RFX6: variants seen among roughly 807,000 people sequenced by gnomAD.
The protein encoded by RFX6 is DNA-binding protein RFX6.
RFX6 carries 50 observed loss-of-function variants against 110.8 expected under a neutral mutation model. That is an observed-to-expected ratio of 0.45 (90% CI 0.36 to 0.57). The LOEUF is 0.57. Among genes scored for constraint, RFX6 ranks in the 20% least tolerant of loss-of-function variants. The pLI is 0.00. For missense variants in RFX6, 990 were observed against 1,127.0 expected, an observed-to-expected ratio of 0.88 and a Z score of 1.74; for synonymous variants, 383 against 411.2, an observed-to-expected ratio of 0.93 and a Z score of 0.83.
chr6:116,930,050 T>G (rs1582541376), intron 18 of RFX6, among the ~76,000 whole-genome samples: 1 of 152,186 alleles, frequency 6.6e-6, no homozygotes, highest in African/African-American at 2.4e-5. Context: ...GAGACTAAAA[T>G]GTACTGTGTT....
Position 116,928,967 on chromosome 6 carries a change from C to T in RFX6, c.2607C>T (p.Val869=), listed in dbSNP as rs760218020. 6.3e-7 allele frequency: 1 copy of T among 1,594,968 alleles called. No homozygotes were observed. The highest frequency in any genetic ancestry group is 8.6e-7 in the Non-Finnish European group (1 of 1,162,520). The part of the protein sequence containing the change: ...TSSPVACRTP[V]LASSLQTPIP... ...CTCCAGTTGCATGTCGAACTCCAGT[C>T]CTAGGTAAATTATTTTAGCAGTTCT... The change falls in exon 18 of 19, where the codon GTC becomes GTT. Residue 869 remains valine, a synonymous_variant. Transcript: ENST00000332958.
intron 3 of RFX6, among the ~76,000 whole-genome samples, chr6:116,881,023 C>G (rs1234162665): frequency 6.6e-6 from 1 of 151,960 alleles, no homozygotes; most frequent in Non-Finnish European, 1.5e-5. Context: ...TAGTGGTTAT[C>G]CATACTATTT....
chr6:116,918,066 A>G lies in RFX6; in HGVS notation c.1002A>G (p.Thr334=). Residue 334 remains threonine, a synonymous_variant, in exon 10 of 19, where the codon ACA becomes ACG. Transcript: ENST00000332958. ...KVLTDVLIPA[T]MQEMPESLLA... ...TTACAGATGTACTCATTCCTGCAAC[A>G]ATGCAAGAAATGCCTGAAAGGTATG... The G allele has an allele frequency of 6.2e-7, 1 of 1,608,482 alleles. No homozygotes were observed. Among genetic ancestry groups the G allele is most frequent in the Non-Finnish European group, 8.5e-7 (1 of 1,176,018 alleles).
chr6:116,895,410 T>C (rs1460089001), intron 6 of RFX6, among the ~76,000 whole-genome samples: 2 of 152,140 alleles, frequency 1.3e-5, no homozygotes, highest in Non-Finnish European at 1.5e-5. Flanking sequence ...AACTTTCAGT[T>C]AACCTAGGAG....
intron 2 of RFX6, among the ~76,000 whole-genome samples, chr6:116,879,001 GTAAT>G (rs1774529490): frequency 6.6e-6 from 1 of 151,872 alleles, no homozygotes; most frequent in Non-Finnish European, 1.5e-5. Flanking sequence ...GAGCAGTTAA[GTAAT>G]TGAGTTAAAT....
At chr6:116,927,678 C>G (rs765074790) in intron 17 of RFX6, 139 bp downstream of exon 17, 58 of 751,230 alleles carry the variant, frequency 7.7e-5, no homozygotes, top group Non-Finnish European at 1.2e-4. Flanking sequence ...ACATTTGGAG[C>G]TGATTTCTGT....
chr6:116,893,875 T>G (rs1443449983), intron 4 of RFX6, 112 bp from the exon 5 acceptor site: 1 of 756,542 alleles, frequency 1.3e-6, no homozygotes, highest in Non-Finnish European at 2.5e-6. Context: ...AAAAGAAAGG[T>G]CATCAGGGTT....
intron 17 of RFX6, among the ~76,000 whole-genome samples, chr6:116,927,760 T>TTTTG (rs1358256575): frequency 4.5e-4 from 67 of 150,214 alleles, no homozygotes; most frequent in African/African-American, 1.4e-3. Context: ...TTTTTTTTTT[T>TTTTG]TTGAGACAAG....
chr6:116,928,032 G>A (rs545834700), intron 17 of RFX6, among the ~76,000 whole-genome samples: 8 of 149,662 alleles, frequency 5.3e-5, no homozygotes, highest in South Asian at 2.1e-4. Context: ...CCAAAGGTGT[G>A]AGCCAACACC....
At position 116,928,796 on chromosome 6, in the gene RFX6, C is replaced by T; in HGVS notation, c.2436C>T (p.His812=). ...YGSNINYPES[H]RLGSMVNQHV... is the part of the protein sequence containing the mutation. ...GCAACATAAACTACCCAGAGTCTCA[C>T]AGGCTCGGATCAATGGTGAATCAGC... The change falls in exon 18 of 19, where the codon CAC becomes CAT. Residue 812 remains histidine (H), a synonymous_variant. Transcript: ENST00000332958. The T allele has an allele frequency of 6.2e-7, 1 of 1,613,974 alleles. No individual in the cohort carries two copies. Among genetic ancestry groups the T allele is most frequent in the Non-Finnish European group, 8.5e-7 (1 of 1,179,840 alleles).
Position 116,927,149 on chromosome 6 carries a change from C to T in RFX6, c.2008C>T (p.Pro670Ser), listed in dbSNP as rs1775757483. ...GGCAGGGAGGCCCCCAAGTGTGGGCCCAGTACTGTCAGCTCCATCACACTG... is the reference window on the plus strand; with the variant it reads ...GGCAGGGAGGCCCCCAAGTGTGGGCTCAGTACTGTCAGCTCCATCACACTG... ...PMAGRPPSVG[P>S]VLSAPSHCST... The change falls in exon 17 of 19, where the codon CCA becomes TCA. Residue 670 changes from proline (P) to serine (S), a missense_variant. This residue lies in a region of RFX6 where 438 missense variants were observed against 441.9 expected (regional missense o/e 0.99). Coordinates refer to ENST00000332958, the MANE Select transcript of RFX6 (RefSeq NM_173560.4). 6.2e-7 allele frequency: 1 copy of T among 1,614,120 alleles called. No individual in the cohort carries two copies. Among genetic ancestry groups the T allele is most frequent in the Non-Finnish European group, 8.5e-7 (1 of 1,180,014 alleles).
chr6:116,910,896 T>C (rs1445329393), intron 6 of RFX6, 39 bp from the exon 7 acceptor site: 1 of 1,297,318 alleles, frequency 7.7e-7, no homozygotes, highest in Non-Finnish European at 1.1e-6. Flanking sequence ...AGCATATAGT[T>C]GATAATGATG....
Position 116,919,233 on chromosome 6 carries a change from AC to A in RFX6, c.1121del (p.Pro374LeufsTer10). The A allele has an allele frequency of 6.2e-7, 1 of 1,613,438 alleles. No homozygotes were observed. Among genetic ancestry groups the A allele is most frequent in the South Asian group, 1.1e-5 (1 of 91,068 alleles). On this transcript the variant is annotated frameshift_variant, in exon 11 of 19. Transcript: ENST00000332958. LOFTEE classifies it high-confidence loss of function. ...CAGAAGCTCTAACTGACAAGAAAAT[AC>A]CTATTGTGCGAAGATTTGTATCTTC... Reference protein sequence around the residue: ...LPEALTDKKIPIVRRFVSSLK... With the variant: ...LPEALTDKKIXIVRRFVSSLK...
At chr6:116,921,017 C>G (rs1482213071) in intron 12 of RFX6, among the ~76,000 whole-genome samples, 1 of 152,098 alleles carries the variant, frequency 6.6e-6, no homozygotes, top group African/African-American at 2.4e-5. Context: ...AGGTTTGGAC[C>G]ATCTGAGAGA....
At chr6:116,908,717 G>C (rs973944875) in intron 6 of RFX6, among the ~76,000 whole-genome samples, 3 of 146,098 alleles carry the variant, frequency 2.1e-5, no homozygotes, top group South Asian at 2.1e-4. Context: ...CACACACACA[G>C]AGGGATTGAG....
At chr6:116,881,855 T>C (rs1774596721) in intron 3 of RFX6, among the ~76,000 whole-genome samples, 1 of 152,148 alleles carries the variant, frequency 6.6e-6, no homozygotes, top group South Asian at 2.1e-4. Context: ...TAAAATTGTT[T>C]TATGTAGAAG....
At chr6:116,925,685 T>C (rs754870489) in intron 16 of RFX6, 26 bp downstream of exon 16, 15 of 1,512,252 alleles carry the variant, frequency 9.9e-6, no homozygotes, top group Admixed American at 5.1e-5. Context: ...CTGCTTAGGC[T>C]CCAGCACATC....
intron 7 of RFX6, among the ~76,000 whole-genome samples, chr6:116,913,645 TAAAC>T (rs1775403963): frequency 6.6e-6 from 1 of 152,228 alleles, no homozygotes; most frequent in Admixed American, 6.5e-5. Flanking sequence ...AAGTATTAAA[TAAAC>T]AAATTAAGTA....
intron 12 of RFX6, among the ~76,000 whole-genome samples, chr6:116,920,993 C>T (rs972847218): frequency 6.6e-6 from 1 of 152,158 alleles, no homozygotes; most frequent in African/African-American, 2.4e-5. Context: ...CTTTTCAAAG[C>T]AGACTCTCTA....
Sources: gnomAD v4.1 joint callset for allele counts (sites outside exome capture counted in the v4.1 genomes callset) on GRCh38, gnomAD v4.1.1 for gene constraint, gnomAD v4.1.1 regional missense constraint, MANE v1.5 for transcripts, NCBI Gene and HGNC (gene_info 2026-07-23, HGNC 2026-07-21) for gene names.